LRBA: variants seen among roughly 807,000 people sequenced by gnomAD.
The protein encoded by LRBA is LPS responsive beige-like anchor protein.
In LRBA, 176 loss-of-function variants were observed where a neutral mutation model predicts 330.0. The ratio of observed to expected loss-of-function variants is 0.53; its 90% confidence interval spans 0.47 to 0.60. The LOEUF is 0.60. Ranked by LOEUF, LRBA falls within the 20% of genes least tolerant of loss-of-function variation. The pLI is 0.00. For missense variants in LRBA, 3,259 were observed against 3,444.8 expected (o/e 0.95, Z 1.35); for synonymous variants, 1,230 against 1,193.0 (o/e 1.03, Z -0.64).
intron 30 of LRBA, among the ~76,000 whole-genome samples, chr4:150,820,855 A>G (rs1256382357): frequency 1.3e-5 from 2 of 152,102 alleles, no homozygotes; most frequent in African/African-American, 4.8e-5. Context: ...GTATAAATCT[A>G]AATTAGTAAA....
intron 37 of LRBA, among the ~76,000 whole-genome samples, chr4:150,655,537 C>A (rs1385254902): frequency 6.6e-6 from 1 of 152,168 alleles, no homozygotes; most frequent in Non-Finnish European, 1.5e-5. Flanking sequence ...TGCTAAATTG[C>A]TTTCACTACA....
chr4:150,613,614 T>C (rs998233515), intron 37 of LRBA, among the ~76,000 whole-genome samples: 12 of 152,198 alleles, frequency 7.9e-5, no homozygotes, highest in African/African-American at 2.7e-4. Flanking sequence ...AAAACCTATG[T>C]GTGATTTTTT....
chr4:150,662,087 G>A (rs555251849), intron 37 of LRBA, among the ~76,000 whole-genome samples: 16 of 152,258 alleles, frequency 1.1e-4, no homozygotes, highest in African/African-American at 2.4e-5. Flanking sequence ...AAGAGCAAGT[G>A]TCTAAAATAC....
intron 27 of LRBA, among the ~76,000 whole-genome samples, chr4:150,844,437 G>A (rs1217918468): frequency 2.0e-5 from 3 of 151,930 alleles, no homozygotes; most frequent in Non-Finnish European, 4.4e-5. Flanking sequence ...AGGCATCACA[G>A]AAACAATCAA....
chr4:150,307,978 C>A (rs1730577098), intron 52 of LRBA, among the ~76,000 whole-genome samples: 1 of 152,026 alleles, frequency 6.6e-6, no homozygotes, highest in African/African-American at 2.4e-5. Context: ...TGTTCAAGAA[C>A]AAACTCCTTG....
At chr4:150,745,429 T>TTAAG (rs1553952056) in intron 35 of LRBA, among the ~76,000 whole-genome samples, 1 of 151,672 alleles carries the variant, frequency 6.6e-6, no homozygotes, top group Non-Finnish European at 1.5e-5. Context: ...AAGATGAGCC[T>TTAAG]TAAAGGGCAA....
intron 52 of LRBA, 133 bp from the exon 53 acceptor site, chr4:150,302,925 G>A: frequency 7.0e-6 from 4 of 570,198 alleles, no homozygotes; most frequent in South Asian, 3.9e-5. Flanking sequence ...AATTTGACAT[G>A]GTCCAACCTA....
chr4:150,364,289 C>T (rs1739125182), intron 47 of LRBA, among the ~76,000 whole-genome samples: 2 of 152,240 alleles, frequency 1.3e-5, no homozygotes, highest in Admixed American at 6.5e-5. Flanking sequence ...AGTATTTATG[C>T]TGTGCCCAGC....
intron 17 of LRBA, among the ~76,000 whole-genome samples, 196 bp downstream of exon 17, chr4:150,892,846 TCAAATAGTAA>T (rs1294067845): frequency 3.9e-5 from 6 of 152,128 alleles, no homozygotes; most frequent in African/African-American, 9.7e-5. Context: ...TCTTCACAAA[TCAAATAGTAA>T]CAAATAGTAA....
At chr4:150,616,767 A>G (rs1359984940) in intron 37 of LRBA, among the ~76,000 whole-genome samples, 3 of 152,186 alleles carry the variant, frequency 2.0e-5, no homozygotes, top group African/African-American at 7.2e-5. Context: ...CTTAAATTAT[A>G]TACTGGATTT....
intron 2 of LRBA, among the ~76,000 whole-genome samples, chr4:150,932,625 G>A (rs1734635065): frequency 6.6e-6 from 1 of 152,096 alleles, no homozygotes; most frequent in Non-Finnish European, 1.5e-5. Context: ...CTTATTAAGA[G>A]CAATTTGGGG....
chr4:150,617,158 GGA>G (rs1775845445), intron 37 of LRBA, among the ~76,000 whole-genome samples: 1 of 152,030 alleles, frequency 6.6e-6, no homozygotes, highest in African/African-American at 2.4e-5. Flanking sequence ...TTCATTGATG[GGA>G]GCTGAAATAG....
intron 36 of LRBA, among the ~76,000 whole-genome samples, chr4:150,701,387 A>G (rs532422191): frequency 2.0e-5 from 3 of 152,346 alleles, no homozygotes; most frequent in East Asian, 3.9e-4. Context: ...CAGTCGTTTA[A>G]TATCATTACC....
In LRBA at chr4:150,482,183, T is replaced by C. The variant is rs77784305; in HGVS notation, c.6551+5549A>G. On this transcript the variant is annotated intron_variant, in intron 42 of 56. Coordinates refer to ENST00000651943, the MANE Select transcript of LRBA (RefSeq NM_001364905.1). ...CAAAAGTTCCTTTTATTCTCCCTTG[T>C]ATGCAATTCTTCCTCTTTTCCCATA... Among the ~76,000 whole-genome samples, 44 of 152,256 alleles carry C rather than the reference T, an allele frequency of 2.9e-4. No homozygotes were observed. The East Asian group carries it at 8.5e-3, about 29-fold the overall frequency.
chr4:150,474,536 A>G (rs1756499588), intron 42 of LRBA, among the ~76,000 whole-genome samples: 1 of 152,166 alleles, frequency 6.6e-6, no homozygotes, highest in Non-Finnish European at 1.5e-5. Flanking sequence ...AAAAACGTCT[A>G]TCAGGAATTG....
At chr4:150,790,681 GA>G (rs1473956354) in intron 34 of LRBA, among the ~76,000 whole-genome samples, 1 of 152,146 alleles carries the variant, frequency 6.6e-6, no homozygotes, top group East Asian at 1.9e-4. Flanking sequence ...TATATAGCTT[GA>G]ATCTTCACCT....
intron 37 of LRBA, among the ~76,000 whole-genome samples, chr4:150,617,377 C>T (rs944771103): frequency 1.3e-4 from 20 of 152,220 alleles, no homozygotes; most frequent in African/African-American, 4.8e-4. Context: ...ACACTGGCCT[C>T]ACGCCTGTAA....
chr4:150,393,335 T>TTATTTTAAAGATATGTGCTAAAATA (rs1744266121), intron 47 of LRBA, among the ~76,000 whole-genome samples: 2 of 147,166 alleles, frequency 1.4e-5, no homozygotes, highest in Admixed American at 6.8e-5. Flanking sequence ...GCTAAAATCT[T>TTATTTTAAAGATATGTGCTAAAATA]TTTTTTTTTT....
intron 47 of LRBA, among the ~76,000 whole-genome samples, chr4:150,353,364 A>C (rs1737417885): frequency 6.6e-6 from 1 of 152,188 alleles, no homozygotes; most frequent in Non-Finnish European, 1.5e-5. Flanking sequence ...AAATTGTTTA[A>C]TAAGATAAAA....
Sources: allele counts gnomAD v4.1 joint callset (sites outside exome capture counted in the v4.1 genomes callset), GRCh38; gene constraint gnomAD v4.1.1; transcripts MANE v1.5; gene names NCBI Gene and HGNC (gene_info 2026-07-23, HGNC 2026-07-21).